The following PLEKHG1 variants were observed in gnomAD, a reference collection of about 807,000 sequenced individuals.
PLEKHG1 encodes pleckstrin homology and RhoGEF domain containing G1, also known as pleckstrin homology domain-containing family G member 1.
PLEKHG1 carries 44 observed loss-of-function variants against 100.8 expected under a neutral mutation model. The observed-to-expected ratio is 0.44, with a 90% CI of 0.34 to 0.56. The LOEUF (loss-of-function observed/expected upper bound fraction) is 0.56, where lower values mean the gene tolerates loss of function less well. Ranked by LOEUF, PLEKHG1 falls within the 20% of genes least tolerant of loss-of-function variation. The pLI is 0.01. For synonymous variants in PLEKHG1, 640 were observed against 662.5 expected (o/e 0.97, Z 0.52); for missense variants, 1,545 against 1,720.9 (o/e 0.90, Z 1.81).
chr6:150,709,361 A>G (rs994141192), intron 3 of PLEKHG1, among the ~76,000 whole-genome samples: 5 of 152,234 alleles, frequency 3.3e-5, no homozygotes, highest in African/African-American at 1.2e-4. Flanking sequence ...ATTACAGGGA[A>G]TAAAAAGCAT....
chr6:150,704,665 G>C (rs2128600948), intron 3 of PLEKHG1, among the ~76,000 whole-genome samples: 1 of 152,374 alleles, frequency 6.6e-6, no homozygotes, highest in Non-Finnish European at 1.5e-5. Context: ...CTTGGGCAGG[G>C]CCCAGCAATC....
chr6:150,654,087 C>T (rs965217114), intron 3 of PLEKHG1, among the ~76,000 whole-genome samples: 4 of 152,180 alleles, frequency 2.6e-5, no homozygotes, highest in African/African-American at 9.7e-5. Context: ...GTTTCACCTA[C>T]CCTGGTTATT....
At chr6:150,768,047 T>C (rs555808641) in intron 2 of PLEKHG1, among the ~76,000 whole-genome samples, 1 of 152,330 alleles carries the variant, frequency 6.6e-6, no homozygotes, top group African/African-American at 2.4e-5. Flanking sequence ...ACAGCAGATC[T>C]GTTTGGGAGC....
At chr6:150,756,039 C>A (rs1176282615) in intron 2 of PLEKHG1, among the ~76,000 whole-genome samples, 1 of 152,252 alleles carries the variant, frequency 6.6e-6, no homozygotes, top group African/African-American at 2.4e-5. Flanking sequence ...ATGGAAACCT[C>A]GTCCGTAAGA....
intron 2 of PLEKHG1, among the ~76,000 whole-genome samples, chr6:150,648,153 G>C (rs1778576927): frequency 6.6e-6 from 1 of 151,942 alleles, no homozygotes; most frequent in African/African-American, 2.4e-5. Context: ...TCTGCCACTG[G>C]ATAAAAACCA....
At chr6:150,725,096 A>G (rs1337435808) in intron 1 of PLEKHG1, among the ~76,000 whole-genome samples, 2 of 152,210 alleles carry the variant, frequency 1.3e-5, no homozygotes, top group African/African-American at 4.8e-5. Context: ...TCACAGTTCC[A>G]GAGAGTGGGA....
intron 4 of PLEKHG1, among the ~76,000 whole-genome samples, chr6:150,791,198 C>G (rs955091316): frequency 1.3e-5 from 2 of 152,084 alleles, no homozygotes; most frequent in Non-Finnish European, 2.9e-5. Context: ...CATCAGTAAC[C>G]CAGCAATCTA....
At chr6:150,713,595 G>T (rs1781318058) in intron 3 of PLEKHG1, among the ~76,000 whole-genome samples, 1 of 152,180 alleles carries the variant, frequency 6.6e-6, no homozygotes, top group Non-Finnish European at 1.5e-5. Flanking sequence ...CCCAAGGATG[G>T]TAATTGCTGA....
At chr6:150,715,842 C>T (rs1234173862) in intron 3 of PLEKHG1, among the ~76,000 whole-genome samples, 1 of 148,804 alleles carries the variant, frequency 6.7e-6, no homozygotes, top group Admixed American at 6.6e-5. Context: ...GGCGCGGTGG[C>T]TCACGCCTGT....
At chr6:150,794,771 T>TG (rs1332312815) in intron 4 of PLEKHG1, among the ~76,000 whole-genome samples, 1 of 149,920 alleles carries the variant, frequency 6.7e-6, no homozygotes, top group Non-Finnish European at 1.5e-5. Context: ...GAATGGGGGG[T>TG]GGGGCAGAGA....
chr6:150,791,104 G>A (rs868559311), intron 4 of PLEKHG1, among the ~76,000 whole-genome samples: 1 of 152,342 alleles, frequency 6.6e-6, no homozygotes, highest in Middle Eastern at 3.4e-3. Context: ...GGTTCCCAAA[G>A]TGTGGTCTTG....
intron 2 of PLEKHG1, among the ~76,000 whole-genome samples, chr6:150,744,350 A>G (rs1356227947): frequency 6.6e-6 from 1 of 152,218 alleles, no homozygotes; most frequent in Non-Finnish European, 1.5e-5. Context: ...TTGGGATTAC[A>G]GGTGTGAGCC....
chr6:150,754,627 C>A (rs1783717409), intron 2 of PLEKHG1, among the ~76,000 whole-genome samples: 1 of 149,776 alleles, frequency 6.7e-6, no homozygotes, highest in Admixed American at 6.7e-5. Context: ...AGCAAGAGGG[C>A]AAGGGTCTTG....
intron 3 of PLEKHG1, among the ~76,000 whole-genome samples, chr6:150,707,153 C>T (rs574097224): frequency 1.5e-4 from 23 of 151,512 alleles, no homozygotes; most frequent in East Asian, 9.7e-4. Flanking sequence ...TACAGGTGCG[C>T]GCCACCATGC....
intron 3 of PLEKHG1, among the ~76,000 whole-genome samples, chr6:150,654,964 A>G (rs939739235): frequency 6.6e-6 from 1 of 151,706 alleles, no homozygotes; most frequent in Non-Finnish European, 1.5e-5. Context: ...CCATTGCAAA[A>G]CCTCCTGATT....
chr6:150,702,822 C>T (rs1780853173), intron 3 of PLEKHG1, among the ~76,000 whole-genome samples: 3 of 152,112 alleles, frequency 2.0e-5, no homozygotes, highest in Admixed American at 2.0e-4. Flanking sequence ...CCGACTTGTT[C>T]CTTGTTGCCT....
upstream of PLEKHG1, among the ~76,000 whole-genome samples, chr6:150,717,746 CG>C (rs1658015677): frequency 1.3e-5 from 2 of 152,188 alleles, no homozygotes; most frequent in Admixed American, 6.5e-5. Context: ...ACAAGGCACG[CG>C]TGTGCATTTT....
At position 150,781,938 on chromosome 6, in the gene PLEKHG1, A is replaced by AT. The variant is rs575472001; in HGVS notation, c.513-4439dup. Among the ~76,000 whole-genome samples the AT allele has an allele frequency of 4.5e-3, 640 of 143,494 alleles. 8 individuals are homozygous for AT. The highest frequency in any genetic ancestry group is 0.032 in the Middle Eastern group (9 of 278). The allele number at this position is 143,494 out of a possible 152,430, so 94.1% of individuals were successfully genotyped here. A position where few individuals can be genotyped will look rare whatever the true frequency, so the allele number is the denominator to read the frequency against. On this transcript the variant is annotated intron_variant, in intron 3 of 15. Coordinates refer to ENST00000358517, the Ensembl canonical transcript of PLEKHG1. ...AGGTGCCTGCCACCACGCCCGGCTA[A>AT]TTTTTTTTTTTTTGTATTTTCAGTA...
chr6:150,676,882 C>T (rs1300887085), intron 3 of PLEKHG1, among the ~76,000 whole-genome samples: 1 of 152,120 alleles, frequency 6.6e-6, no homozygotes, highest in Admixed American at 6.5e-5. Context: ...CCCCAAGGTG[C>T]CTTAACCACA....
Sources: allele counts gnomAD v4.1 joint callset (sites outside exome capture counted in the v4.1 genomes callset), GRCh38; gene constraint gnomAD v4.1.1; transcripts MANE v1.5; gene names NCBI Gene and HGNC (gene_info 2026-07-23, HGNC 2026-07-21).